Variants in FAM107B observed in about 807,000 individuals in gnomAD.
FAM107B encodes family with sequence similarity 107 member B, also known as protein FAM107B.
In FAM107B, 21 loss-of-function variants were observed where a neutral mutation model predicts 31.5. The observed-to-expected ratio is 0.67, with a 90% CI of 0.47 to 0.96. FAM107B has a LOEUF of 0.96. Among genes scored for constraint, FAM107B ranks in the 40% least tolerant of loss-of-function variants. The pLI, the probability that FAM107B is intolerant of heterozygous loss-of-function variation, is 0.00. For synonymous variants in FAM107B, 157 were observed against 141.5 expected, an observed-to-expected ratio of 1.11 and a Z score of -0.78; for missense variants, 452 against 377.1, an observed-to-expected ratio of 1.20 and a Z score of -1.64.
chr10:14,716,675 A>C (rs760731520), intron 1 of FAM107B, among the ~76,000 whole-genome samples: 6 of 152,222 alleles, frequency 3.9e-5, no homozygotes, highest in Admixed American at 6.5e-5. Context: ...TATGATGTCA[A>C]GCGATCACAG....
At chr10:14,567,459 T>C (rs1038041866) in intron 2 of FAM107B, among the ~76,000 whole-genome samples, 1 of 152,042 alleles carries the variant, frequency 6.6e-6, no homozygotes, top group Admixed American at 6.6e-5. Context: ...AAAGTCATTA[T>C]GGAGAGGAAG....
At chr10:14,546,712 T>C (rs926266885) in intron 2 of FAM107B, among the ~76,000 whole-genome samples, 1 of 152,230 alleles carries the variant, frequency 6.6e-6, no homozygotes, top group African/African-American at 2.4e-5. Context: ...CATTAAAACC[T>C]ATTCCTCAAG....
intron 1 of FAM107B, among the ~76,000 whole-genome samples, chr10:14,770,296 G>A (rs570197241): frequency 9.2e-5 from 14 of 152,226 alleles, no homozygotes; most frequent in Non-Finnish European, 1.5e-4. Context: ...AGGCCAAGGC[G>A]GGTGGATCAT....
chr10:14,774,508 GACGGTGGAATGAGTATCAGCC>G lies in FAM107B; in HGVS notation c.135_155del (p.Ala46_Val52del), dbSNP rs1358913755. Reference sequence around the variant, plus strand: ...CTGCTTTGGCCACAGGCTGCACACGGACGGTGGAATGAGTATCAGCCACGCCGGACTGATTGAAGGAAGCAC... The same window carrying G: ...CTGCTTTGGCCACAGGCTGCACACGGACGCCGGACTGATTGAAGGAAGCAC... On this transcript the variant is annotated inframe_deletion, in exon 1 of 5. Coordinates refer to ENST00000181796, the MANE Select transcript of FAM107B (RefSeq NM_031453.4). 1 of 1,614,194 alleles carries G rather than the reference GACGGTGGAATGAGTATCAGCC, an allele frequency of 6.2e-7. No individual in the cohort carries two copies. The highest frequency in any genetic ancestry group is 1.3e-5 in the African/African-American group (1 of 75,042).
intron 1 of FAM107B, among the ~76,000 whole-genome samples, chr10:14,773,968 T>C (rs184353879): frequency 3.2e-4 from 49 of 152,320 alleles, no homozygotes; most frequent in Admixed American, 1.2e-3. Context: ...TAATCTGTTA[T>C]TGAGTGAGCC....
intron 2 of FAM107B, among the ~76,000 whole-genome samples, chr10:14,616,872 T>G (rs1852865750): frequency 1.3e-5 from 2 of 151,926 alleles, no homozygotes; most frequent in African/African-American, 4.8e-5. Flanking sequence ...TGAGCCATGA[T>G]TGTGCCGCTG....
At chr10:14,693,323 A>T (rs928952235) in intron 1 of FAM107B, among the ~76,000 whole-genome samples, 7 of 152,074 alleles carry the variant, frequency 4.6e-5, no homozygotes, top group Non-Finnish European at 8.8e-5. Flanking sequence ...TAAAAATATT[A>T]AAAAACTAGC....
intron 1 of FAM107B, among the ~76,000 whole-genome samples, chr10:14,674,222 G>C (rs1854626028): frequency 6.6e-6 from 1 of 152,200 alleles, no homozygotes; most frequent in African/African-American, 2.4e-5. Flanking sequence ...CTCAAAAACA[G>C]TCAACAAAAG....
At chr10:14,667,750 T>C in intron 1 of FAM107B, 59 bp from the exon 2 acceptor site, 1 of 1,565,250 alleles carries the variant, frequency 6.4e-7, no homozygotes, top group Non-Finnish European at 8.8e-7. Context: ...TGCATTAATG[T>C]AAGGCAATAC....
Position 14,521,952 on chromosome 10 carries a change from T to C in FAM107B, c.721A>G (p.Ile241Val). The C allele has an allele frequency of 1.2e-6, 2 of 1,614,222 alleles. No homozygotes were observed. Among genetic ancestry groups the C allele is most frequent in the Non-Finnish European group, 1.7e-6 (2 of 1,180,032 alleles). ...TGTGCTTCTTCTTCCTTCTGCTTTATTACTTGGTCTCGTTTTCTTTTTTCC... is the reference window on the plus strand; with the variant it reads ...TGTGCTTCTTCTTCCTTCTGCTTTACTACTTGGTCTCGTTTTCTTTTTTCC... The part of the protein sequence containing the change: ...VMEKRKRDQV[I>V]KQKEEEAQKK... Residue 241 changes from isoleucine to valine, a missense_variant, in exon 4 of 5, where the codon ATA (isoleucine) becomes GTA (valine). Transcript: ENST00000181796.
chr10:14,550,914 T>C (rs1259546920), intron 2 of FAM107B, among the ~76,000 whole-genome samples: 1 of 152,192 alleles, frequency 6.6e-6, no homozygotes, highest in Non-Finnish European at 1.5e-5. Flanking sequence ...AAATCACTCA[T>C]CACTTCGAGA....
intron 2 of FAM107B, among the ~76,000 whole-genome samples, chr10:14,575,891 A>G (rs1851448937): frequency 6.6e-6 from 1 of 152,240 alleles, no homozygotes; most frequent in South Asian, 2.1e-4. Context: ...TACAACACAG[A>G]TATTAGGCAT....
chr10:14,740,939 T>A (rs148919807), intron 1 of FAM107B, among the ~76,000 whole-genome samples: 2 of 152,314 alleles, frequency 1.3e-5, no homozygotes, highest in African/African-American at 4.8e-5. Context: ...TCACTTGTGA[T>A]CAAAAATGTT....
intron 2 of FAM107B, among the ~76,000 whole-genome samples, chr10:14,666,498 T>C (rs1266528946): frequency 6.6e-6 from 1 of 152,042 alleles, no homozygotes; most frequent in Non-Finnish European, 1.5e-5. Flanking sequence ...ATGGGGATTA[T>C]GGGAACTGCA....
At chr10:14,626,602 C>T (rs1021160881) in intron 2 of FAM107B, among the ~76,000 whole-genome samples, 1 of 148,122 alleles carries the variant, frequency 6.8e-6, no homozygotes, top group Non-Finnish European at 1.5e-5. Context: ...CTTCCGGGTT[C>T]ACGCCATTCT....
chr10:14,659,936 G>A (rs1292694136), intron 2 of FAM107B, among the ~76,000 whole-genome samples: 6 of 152,086 alleles, frequency 3.9e-5, no homozygotes, highest in African/African-American at 1.4e-4. Flanking sequence ...CCATTTTTAG[G>A]TAAAGAATTT....
intron 1 of FAM107B, among the ~76,000 whole-genome samples, chr10:14,743,945 G>A (rs1281918368): frequency 6.6e-6 from 1 of 152,204 alleles, no homozygotes; most frequent in Admixed American, 6.5e-5. Context: ...ACTTTGGGCA[G>A]TATGGTCATT....
At chr10:14,614,452 C>T (rs963365358) in intron 2 of FAM107B, among the ~76,000 whole-genome samples, 3 of 152,034 alleles carry the variant, frequency 2.0e-5, no homozygotes, top group African/African-American at 7.2e-5. Context: ...GGAGGTGGAT[C>T]ACCTGAGGTT....
intron 2 of FAM107B, chr10:14,604,433 C>CGGCGGGGCGGGGAGG (rs1171472374): frequency 5.8e-6 from 1 of 171,770 alleles, no homozygotes; most frequent in South Asian, 1.9e-4. Flanking sequence ...CCGAATTAAG[C>CGGCGGGGCGGGGAGG]GGCGGGGCGG....
Sources: gnomAD v4.1 joint callset for allele counts (sites outside exome capture counted in the v4.1 genomes callset) on GRCh38, gnomAD v4.1.1 for gene constraint, MANE v1.5 for transcripts, NCBI Gene and HGNC (gene_info 2026-07-23, HGNC 2026-07-21) for gene names.